The following MTMR7 variants were observed in gnomAD, a reference collection of about 807,000 sequenced individuals.
MTMR7 encodes the protein myotubularin related protein 7, also known as phosphatidylinositol-3-phosphate phosphatase MTMR7.
MTMR7 carries 76 observed loss-of-function variants against 81.2 expected under a neutral mutation model. The ratio of observed to expected loss-of-function variants is 0.94; its 90% CI spans 0.78 to 1.13. The LOEUF (loss-of-function observed/expected upper bound fraction) is 1.13, where lower values mean the gene tolerates loss of function less well. Ranked by LOEUF, MTMR7 falls within the 50% of genes most tolerant of loss-of-function variation. The pLI is 0.00. For synonymous variants in MTMR7, 372 were observed against 289.8 expected (o/e 1.28, Z -2.88); for missense variants, 1,044 against 820.0 (o/e 1.27, Z -3.34).
chr8:17,339,288 A>C (rs1819340262), intron 6 of MTMR7, among the ~76,000 whole-genome samples: 1 of 152,036 alleles, frequency 6.6e-6, no homozygotes, highest in South Asian at 2.1e-4. Flanking sequence ...CACATGTCAT[A>C]CTATTCACCC....
At chr8:17,404,434 T>C (rs1264926060) in intron 1 of MTMR7, among the ~76,000 whole-genome samples, 5 of 152,164 alleles carry the variant, frequency 3.3e-5, no homozygotes, top group Non-Finnish European at 7.4e-5. Flanking sequence ...CAAATTATTT[T>C]CTTAATAAGA....
chr8:17,368,182 G>C (rs1255305344), intron 3 of MTMR7, among the ~76,000 whole-genome samples: 1 of 152,024 alleles, frequency 6.6e-6, no homozygotes, highest in Non-Finnish European at 1.5e-5. Context: ...TCACAATAGA[G>C]TTCATGCTCC....
At chr8:17,305,428 A>G (rs938848231) in intron 11 of MTMR7, among the ~76,000 whole-genome samples, 7 of 152,202 alleles carry the variant, frequency 4.6e-5, no homozygotes, top group Non-Finnish European at 1.0e-4. Context: ...ATGGTAGCAT[A>G]GCCACCAAAT....
Position 17,311,532 on chromosome 8 carries a change from G to T in MTMR7, c.1080C>A (p.Tyr360Ter). Reference protein sequence around the residue: ...SVASLLLDPHYRTLKGFMVLI... With the variant: ...SVASLLLDPH ...TCACCATGAAGCCCTTCAGAGTCCG[G>T]TAGTGAGGGTCCAGCAGCAGGCTTG... The change falls in exon 9 of 14, where the codon TAC becomes TAA. Residue 360 changes from tyrosine (Y) to a stop codon, truncating the protein, a stop_gained. Coordinates refer to ENST00000180173, the MANE Select transcript of MTMR7 (RefSeq NM_004686.5). LOFTEE classifies it high-confidence loss of function. The T allele has an allele frequency of 6.2e-7, 1 of 1,614,120 alleles. No homozygotes were observed. Among genetic ancestry groups the T allele is most frequent in the Non-Finnish European group, 8.5e-7 (1 of 1,180,034 alleles).
At chr8:17,383,875 G>C (rs879829926) in intron 1 of MTMR7, among the ~76,000 whole-genome samples, 1 of 152,246 alleles carries the variant, frequency 6.6e-6, no homozygotes, top group Middle Eastern at 3.4e-3. Flanking sequence ...TGCAGCTTTG[G>C]AGGAACCATG....
At chr8:17,314,820 G>C (rs1817977227) in intron 7 of MTMR7, among the ~76,000 whole-genome samples, 1 of 152,194 alleles carries the variant, frequency 6.6e-6, no homozygotes, top group South Asian at 2.1e-4. Context: ...TCGGTGAAGG[G>C]ACAGCCCTTT....
intron 3 of MTMR7, among the ~76,000 whole-genome samples, chr8:17,365,632 G>C (rs1820203285): frequency 6.6e-6 from 1 of 152,280 alleles, no homozygotes; most frequent in Admixed American, 6.5e-5. Flanking sequence ...CATTACACAA[G>C]AGCTCCTCCA....
chr8:17,317,940 G>C (rs977157436), intron 7 of MTMR7, among the ~76,000 whole-genome samples: 3 of 151,876 alleles, frequency 2.0e-5, no homozygotes, highest in Admixed American at 2.0e-4. Context: ...TCATTTCAGT[G>C]GGAAGTCAGG....
chr8:17,360,692 G>C (rs1193303392), intron 4 of MTMR7, among the ~76,000 whole-genome samples: 2 of 151,994 alleles, frequency 1.3e-5, no homozygotes, highest in East Asian at 1.9e-4. Flanking sequence ...TGGTGACCTT[G>C]TGTACCAAGC....
At chr8:17,301,750 T>C (rs4921746) in intron 13 of MTMR7, 54,296 of 192,384 alleles carry the variant, frequency 0.28, 11,127 homozygotes, top group East Asian at 0.61. Context: ...GTCTCCCCTT[T>C]ACCAATTATA....
chr8:17,299,859 A>G lies in MTMR7; in HGVS notation c.*3T>C, dbSNP rs1383477249. On this transcript the variant is annotated 3_prime_UTR_variant, in exon 14 of 14. Coordinates refer to ENST00000180173, the MANE Select transcript of MTMR7 (RefSeq NM_004686.5). ...CTTTACTTTGGAACTCCAAAGGGAA[A>G]CTTCAGGCAGTGAGAAACACGGCTT... 6.2e-7 allele frequency: 1 copy of G among 1,613,616 alleles called. No individual in the cohort carries two copies. Among genetic ancestry groups the G allele is most frequent in the Non-Finnish European group, 8.5e-7 (1 of 1,179,610 alleles).
In MTMR7 at chr8:17,360,002, T is replaced by C. The variant is rs527343467; in HGVS notation, c.468+1115A>G. On this transcript the variant is annotated intron_variant, in intron 4 of 13. Transcript: ENST00000180173. ...CAAAGGTATAGTTACCAGGATGTTCTCCATTATTTAAAATAGTGATGAGTA... is the reference window on the plus strand; with the variant it reads ...CAAAGGTATAGTTACCAGGATGTTCCCCATTATTTAAAATAGTGATGAGTA... Among the ~76,000 whole-genome samples the C allele has an allele frequency of 4.6e-5, 7 of 152,296 alleles. No individual in the cohort carries two copies. The South Asian group carries it at 8.3e-4, about 18-fold the overall frequency.
At chr8:17,347,579 T>C (rs1277257098) in intron 5 of MTMR7, among the ~76,000 whole-genome samples, 1 of 152,146 alleles carries the variant, frequency 6.6e-6, no homozygotes, top group East Asian at 1.9e-4. Flanking sequence ...AATCCAGAAG[T>C]ATATTATCTA....
chr8:17,398,090 G>A, intron 1 of MTMR7, among the ~76,000 whole-genome samples: 1 of 151,958 alleles, frequency 6.6e-6, no homozygotes, highest in Non-Finnish European at 1.5e-5. Context: ...CAACAAACAA[G>A]CCCACACTGC....
At chr8:17,379,603 G>A (rs945871292) in intron 1 of MTMR7, among the ~76,000 whole-genome samples, 1 of 152,050 alleles carries the variant, frequency 6.6e-6, no homozygotes, top group African/African-American at 2.4e-5. Flanking sequence ...TTCGCCCCCA[G>A]CTTTTAGAAC....
At chr8:17,366,259 G>T (rs1023217639) in intron 3 of MTMR7, among the ~76,000 whole-genome samples, 4 of 152,024 alleles carry the variant, frequency 2.6e-5, no homozygotes, top group Admixed American at 1.3e-4. Flanking sequence ...CATTAGGGAA[G>T]GAAGGAAAAT....
intron 1 of MTMR7, among the ~76,000 whole-genome samples, chr8:17,381,340 C>A (rs1375814069): frequency 6.6e-6 from 1 of 152,154 alleles, no homozygotes; most frequent in Non-Finnish European, 1.5e-5. Context: ...CCTTGGCCTT[C>A]CCTTCACTGC....
At chr8:17,327,878 A>T (rs1456452198) in intron 7 of MTMR7, among the ~76,000 whole-genome samples, 1 of 152,202 alleles carries the variant, frequency 6.6e-6, no homozygotes, top group African/African-American at 2.4e-5. Flanking sequence ...TTACTCTTTT[A>T]AAAAATTATG....
At chr8:17,405,859 CA>C (rs1563383875) in intron 1 of MTMR7, among the ~76,000 whole-genome samples, 42 of 108,972 alleles carry the variant, frequency 3.9e-4, no homozygotes, top group African/African-American at 1.2e-3. Flanking sequence ...CACACACACA[CA>C]CACACACACA....
Sources: gnomAD v4.1 joint callset for allele counts (sites outside exome capture counted in the v4.1 genomes callset) on GRCh38, gnomAD v4.1.1 for gene constraint, MANE v1.5 for transcripts, NCBI Gene and HGNC (gene_info 2026-07-23, HGNC 2026-07-21) for gene names.